Variants in SPATA13 observed in about 807,000 individuals in gnomAD.
SPATA13 encodes the protein spermatogenesis associated 13, also known as spermatogenesis-associated protein 13.
SPATA13 carries 50 observed loss-of-function variants against 104.0 expected under a neutral mutation model. That is an observed-to-expected ratio of 0.48 (90% CI 0.38 to 0.61). SPATA13 has a LOEUF of 0.61. Ranked by LOEUF, SPATA13 falls within the 20% of genes least tolerant of loss-of-function variation. SPATA13 has a pLI of 0.00. For missense variants in SPATA13, 1,524 were observed against 1,690.6 expected (o/e 0.90, Z 1.73); for synonymous variants, 606 against 667.5 (o/e 0.91, Z 1.42).
At chr13:24,022,887 C>T (rs1877047260) in intron 3 of SPATA13, among the ~76,000 whole-genome samples, 1 of 151,946 alleles carries the variant, frequency 6.6e-6, no homozygotes, top group African/African-American at 2.4e-5. Context: ...ACTTTAGTTA[C>T]CATTTTCTAA....
At chr13:24,182,417 C>T (rs1335907278) in intron 1 of SPATA13, among the ~76,000 whole-genome samples, 3 of 152,062 alleles carry the variant, frequency 2.0e-5, no homozygotes. Context: ...AGTGAGGCCT[C>T]AGGAAGCTTC....
At chr13:24,036,022 A>G (rs55745550) in intron 3 of SPATA13, among the ~76,000 whole-genome samples, 1 of 128,820 alleles carries the variant, frequency 7.8e-6, no homozygotes. Context: ...TCAAAAAAAA[A>G]AAAAAAAAAA....
At chr13:24,147,666 A>C (rs1353332433) in intron 3 of SPATA13, among the ~76,000 whole-genome samples, 1 of 152,198 alleles carries the variant, frequency 6.6e-6, no homozygotes, top group Admixed American at 6.5e-5. Flanking sequence ...AAGTCTATTA[A>C]GTACATTTAT....
Position 24,306,701 on chromosome 13 carries a change from C to T in SPATA13, c.*3928C>T, listed in dbSNP as rs1419978748. 6.6e-6 allele frequency: 1 copy of T among 151,852 alleles called. No homozygotes were observed. The highest frequency in any genetic ancestry group is 2.4e-5 in the African/African-American group (1 of 41,324). 9.4% of individuals were successfully genotyped at this position (151,852 alleles called of 1,614,324 possible). A position where few individuals can be genotyped will look rare whatever the true frequency, so the allele number is the denominator to read the frequency against. On this transcript the variant is annotated 3_prime_UTR_variant, in exon 13 of 13. Coordinates refer to ENST00000382108, the MANE Select transcript of SPATA13 (RefSeq NM_001166271.3). ...AGCTACAACATACTTTACATTGTTG[C>T]CTTTAGTTATCTCACAGGCACTGAC...
chr13:24,108,766 A>G (rs962748028), intron 3 of SPATA13, among the ~76,000 whole-genome samples: 1 of 152,016 alleles, frequency 6.6e-6, no homozygotes, highest in Non-Finnish European at 1.5e-5. Context: ...CCCCGAGCCC[A>G]CAGTTCCTTG....
At chr13:24,225,976 T>C (rs569877387) in intron 2 of SPATA13, among the ~76,000 whole-genome samples, 27 of 152,314 alleles carry the variant, frequency 1.8e-4, no homozygotes, top group African/African-American at 5.8e-4. Context: ...AGAGCTTTAT[T>C]GGGTGACTGA....
chr13:24,160,705 G>GGGCGT, upstream of SPATA13: 1 of 985,628 alleles, frequency 1.0e-6, no homozygotes, highest in East Asian at 1.1e-4. Flanking sequence ...AGCGGGGCTG[G>GGGCGT]GGCGTGGCTT....
intron 3 of SPATA13, among the ~76,000 whole-genome samples, chr13:24,039,428 C>T (rs963465657): frequency 2.6e-5 from 4 of 152,200 alleles, no homozygotes; most frequent in South Asian, 2.1e-4. Context: ...GAAGCAGATT[C>T]GCAGCTTCTC....
chr13:24,153,598 C>T (rs992376982), intron 3 of SPATA13, among the ~76,000 whole-genome samples: 6 of 152,264 alleles, frequency 3.9e-5, no homozygotes, highest in East Asian at 1.9e-4. Flanking sequence ...ATCCACGGTA[C>T]GCTGCAAGGA....
At chr13:24,214,841 T>C (rs1021251012) in intron 1 of SPATA13, among the ~76,000 whole-genome samples, 24 of 152,232 alleles carry the variant, frequency 1.6e-4, no homozygotes, top group Admixed American at 1.4e-3. Context: ...CATATTTAAG[T>C]ATTAGTGATT....
intron 3 of SPATA13, among the ~76,000 whole-genome samples, chr13:24,081,677 T>TA (rs1403844731): frequency 6.6e-6 from 1 of 151,394 alleles, no homozygotes; most frequent in Non-Finnish European, 1.5e-5. Flanking sequence ...CTCTGTCTCT[T>TA]AAAAAATAAA....
chr13:24,236,651 G>A (rs2138636179), intron 2 of SPATA13, among the ~76,000 whole-genome samples: 1 of 151,212 alleles, frequency 6.6e-6, no homozygotes, highest in East Asian at 1.9e-4. Context: ...AACATCTTCA[G>A]TGTCACTAAT....
At chr13:24,027,442 T>G (rs971767674) in intron 3 of SPATA13, among the ~76,000 whole-genome samples, 1 of 152,104 alleles carries the variant, frequency 6.6e-6, no homozygotes, top group Non-Finnish European at 1.5e-5. Context: ...TGCCTTTTCT[T>G]TTTTTTTCAA....
intron 1 of SPATA13, among the ~76,000 whole-genome samples, chr13:24,192,543 T>C (rs1325837767): frequency 1.3e-5 from 2 of 152,120 alleles, no homozygotes; most frequent in African/African-American, 4.8e-5. Context: ...CTGCACTCAC[T>C]CCAGACATCT....
chr13:24,239,398 G>C (rs1299669374), intron 2 of SPATA13, among the ~76,000 whole-genome samples: 1 of 152,008 alleles, frequency 6.6e-6, no homozygotes, highest in Non-Finnish European at 1.5e-5. Flanking sequence ...AAAATGTAAA[G>C]AAAGATAAAC....
chr13:23,985,162 C>T (rs1875092028), intron 2 of SPATA13, among the ~76,000 whole-genome samples: 1 of 152,240 alleles, frequency 6.6e-6, no homozygotes, highest in African/African-American at 2.4e-5. Context: ...CCCTTTCTTC[C>T]CGTCTGCTAC....
intron 1 of SPATA13, chr13:23,983,677 A>G (rs1202015078): frequency 6.6e-6 from 1 of 152,500 alleles, no homozygotes; most frequent in Non-Finnish European, 1.5e-5. Flanking sequence ...CCAGAACTGA[A>G]TTCTATATCT....
chr13:24,297,344 T>A lies in SPATA13; in HGVS notation c.3211-19T>A. ...GTGGTAGAATTGGAAGGTCTTAAGA[T>A]GTGTTTTCATCCTTCCAGGGACTGG... On this transcript the variant is annotated intron_variant, in intron 10 of 12. Transcript: ENST00000382108. 6.3e-7 allele frequency: 1 copy of A among 1,593,740 alleles called. No homozygotes were observed.
At chr13:24,054,951 C>T (rs1878487366) in intron 3 of SPATA13, among the ~76,000 whole-genome samples, 1 of 152,218 alleles carries the variant, frequency 6.6e-6, no homozygotes, top group African/African-American at 2.4e-5. Flanking sequence ...AGCTACCTTT[C>T]AGAAGCTGGT....
Sources: gnomAD v4.1 joint callset for allele counts (sites outside exome capture counted in the v4.1 genomes callset) on GRCh38, gnomAD v4.1.1 for gene constraint, MANE v1.5 for transcripts, NCBI Gene and HGNC (gene_info 2026-07-23, HGNC 2026-07-21) for gene names.